Variants in VGLL4 observed in about 807,000 individuals in gnomAD.
The protein encoded by VGLL4 is transcription cofactor vestigial-like protein 4.
A neutral mutation model predicts 21.0 loss-of-function variants in VGLL4; 7 were observed. That is an observed-to-expected ratio of 0.33 (90% CI 0.19 to 0.63). The LOEUF (loss-of-function observed/expected upper bound fraction) is 0.63. VGLL4 is among the 20% of genes least tolerant of loss of function. The pLI is 0.78. For synonymous variants in VGLL4, 222 were observed against 173.2 expected, an observed-to-expected ratio of 1.28 and a Z score of -2.21; for missense variants, 394 against 425.7, an observed-to-expected ratio of 0.93 and a Z score of 0.66.
chr3:11,608,147 A>G (rs2074986355), intron 1 of VGLL4, among the ~76,000 whole-genome samples: 1 of 152,242 alleles, frequency 6.6e-6, no homozygotes, highest in African/African-American at 2.4e-5. Context: ...TTTCTTTTTC[A>G]AGAATAAACA....
Position 11,568,538 on chromosome 3 carries a change from C to G in VGLL4, c.273-3519G>C, listed in dbSNP as rs540256116. On this transcript the variant is annotated intron_variant, in intron 2 of 4. Transcript: ENST00000430365. This position sits in a 1 kb window ranked among gnomAD's most constrained non-coding sequence, Gnocchi z 5.9. Reference sequence around the variant, plus strand: ...GGGCACTATGGGTCAGACAAAGACACTGAAAACAGCGAGAAAAGGCCTGGA... The same window carrying G: ...GGGCACTATGGGTCAGACAAAGACAGTGAAAACAGCGAGAAAAGGCCTGGA... 2.3e-4 allele frequency: 361 copies of G among 1,548,706 alleles called. No individual in the cohort carries two copies. Among genetic ancestry groups the G allele is most frequent in the Non-Finnish European group, 3.1e-4 (351 of 1,144,070 alleles).
At chr3:11,667,308 C>T (rs1276647330) in intron 2 of VGLL4, among the ~76,000 whole-genome samples, 1 of 152,222 alleles carries the variant, frequency 6.6e-6, no homozygotes, top group African/African-American at 2.4e-5. Context: ...GTGCAAAATA[C>T]GATTGCTGAG....
chr3:11,591,386 C>G (rs1327809938), intron 2 of VGLL4, among the ~76,000 whole-genome samples: 2 of 152,228 alleles, frequency 1.3e-5, no homozygotes, highest in Non-Finnish European at 2.9e-5. Context: ...CTGGAACAGC[C>G]TTTGTTCTGC....
chr3:11,656,657 C>T (rs976857873), intron 2 of VGLL4, among the ~76,000 whole-genome samples: 2 of 152,142 alleles, frequency 1.3e-5, no homozygotes, highest in African/African-American at 4.8e-5. Context: ...GGAGAGCACA[C>T]CCCAAGTTCT....
At position 11,602,457 on chromosome 3, in the gene VGLL4, T is replaced by C. The variant is rs1026776358; in HGVS notation, c.83-435A>G. Among the ~76,000 whole-genome samples the C allele has an allele frequency of 3.3e-5, 5 of 152,226 alleles. No individual in the cohort carries two copies. The East Asian group carries it at 5.8e-4, about 18-fold the overall frequency. On this transcript the variant is annotated intron_variant, in intron 1 of 4. Coordinates refer to ENST00000430365, the MANE Select transcript of VGLL4 (RefSeq NM_001128219.3). The stretch of plus-strand genomic sequence containing the variant: ...TTTCCTGCTTGTTCTGTTTTTTTTT[T>C]CTAATATAGTCTTGGTATTTAATTT...
chr3:11,603,154 A>G (rs2074847697), intron 1 of VGLL4, among the ~76,000 whole-genome samples: 1 of 152,230 alleles, frequency 6.6e-6, no homozygotes, highest in African/African-American at 2.4e-5. Flanking sequence ...TACTTCATAC[A>G]CATATGACAA....
intron 2 of VGLL4, among the ~76,000 whole-genome samples, chr3:11,686,037 C>T (rs1349486250): frequency 6.6e-6 from 1 of 152,006 alleles, no homozygotes; most frequent in African/African-American, 2.4e-5. Context: ...AACAAAATAA[C>T]AAATGTTGGT....
intron 2 of VGLL4, among the ~76,000 whole-genome samples, chr3:11,702,452 A>C (rs1298816544): frequency 5.6e-5 from 4 of 71,906 alleles, no homozygotes; most frequent in South Asian, 1.1e-3. Context: ...TCTACTAAAA[A>C]TACAAAAAAA....
chr3:11,646,732 G>A (rs1296501341), upstream of VGLL4, among the ~76,000 whole-genome samples: 1 of 152,182 alleles, frequency 6.6e-6, no homozygotes, highest in Non-Finnish European at 1.5e-5. Flanking sequence ...GCAGTTCTCA[G>A]CCTCCGGGTG....
intron 2 of VGLL4, among the ~76,000 whole-genome samples, chr3:11,597,396 T>C (rs532420630): frequency 6.6e-6 from 1 of 152,276 alleles, no homozygotes; most frequent in African/African-American, 2.4e-5. Context: ...ACAGAAATAA[T>C]GTATTTCTCA....
At chr3:11,589,095 G>A (rs3893266) in intron 2 of VGLL4, among the ~76,000 whole-genome samples, 25,677 of 152,114 alleles carry the variant, frequency 0.17, 3,074 homozygotes, top group African/African-American at 0.33. Context: ...AGCAGGGGAG[G>A]AGAGCCCTTC....
At chr3:11,670,303 T>C (rs2076187357) in intron 2 of VGLL4, among the ~76,000 whole-genome samples, 1 of 152,170 alleles carries the variant, frequency 6.6e-6, no homozygotes, top group Non-Finnish European at 1.5e-5. Flanking sequence ...AAAACCTTTG[T>C]CCTAATCCCA....
intron 2 of VGLL4, among the ~76,000 whole-genome samples, chr3:11,690,068 T>C (rs2076505406): frequency 1.3e-5 from 2 of 152,222 alleles, no homozygotes; most frequent in South Asian, 4.1e-4. Flanking sequence ...GAGACCATTG[T>C]ATAAATGTAA....
chr3:11,622,478 A>C (rs910321331), intron 1 of VGLL4, among the ~76,000 whole-genome samples: 1 of 151,986 alleles, frequency 6.6e-6, no homozygotes, highest in East Asian at 1.9e-4. Context: ...TGGCCAGCCT[A>C]TTTTCTTTAA....
At chr3:11,624,744 A>C (rs899728120) in intron 1 of VGLL4, among the ~76,000 whole-genome samples, 14 of 152,196 alleles carry the variant, frequency 9.2e-5, no homozygotes, top group African/African-American at 3.4e-4. Flanking sequence ...TTAACTACCA[A>C]ACTGTAAATT....
chr3:11,713,568 TTATA>T (rs10690353), intron 1 of VGLL4, among the ~76,000 whole-genome samples: 5,002 of 140,240 alleles, frequency 0.036, 270 homozygotes, highest in East Asian at 0.12. Context: ...TATATATTAT[TTATA>T]TATATATATA....
At chr3:11,686,374 T>G (rs1236492724) in intron 2 of VGLL4, among the ~76,000 whole-genome samples, 1 of 152,214 alleles carries the variant, frequency 6.6e-6, no homozygotes, top group African/African-American at 2.4e-5. Context: ...TGGATGAACC[T>G]TGAGGATATT....
chr3:11,671,426 G>C (rs1246171946), intron 2 of VGLL4: 2 of 782,538 alleles, frequency 2.6e-6, no homozygotes, highest in Non-Finnish European at 4.6e-6. Context: ...CAAAGAGGTA[G>C]AAAACACAGT....
chr3:11,557,775 CCTCAGCTCTAGT>C lies in VGLL4; in HGVS notation c.*769_*780del, dbSNP rs1214337112. ...TTTAAAGCACTATGGAATCCTCCAA[CCTCAGCTCTAGT>C]CTAACAAACTGCAGTGTTCAGAGAA... On this transcript the variant is annotated 3_prime_UTR_variant, in exon 5 of 5. Transcript: ENST00000430365. 6.5e-5 allele frequency: 10 copies of C among 152,778 alleles called. No individual in the cohort carries two copies. The highest frequency in any genetic ancestry group is 2.2e-4 in the African/African-American group (9 of 41,574). 9.5% of individuals were successfully genotyped at this position (152,778 alleles called of 1,614,324 possible).
Sources: gnomAD v4.1 joint callset for allele counts (sites outside exome capture counted in the v4.1 genomes callset) on GRCh38, gnomAD v4.1.1 for gene constraint, Gnocchi (gnomAD v3.1) non-coding constraint, MANE v1.5 for transcripts, NCBI Gene and HGNC (gene_info 2026-07-23, HGNC 2026-07-21) for gene names.